The following TENM1 variants were observed in gnomAD, a reference collection of about 807,000 sequenced individuals.
The protein encoded by TENM1 is teneurin transmembrane protein 1, also known as teneurin-1.
A neutral mutation model predicts 174.8 loss-of-function variants in TENM1; 35 were observed. The ratio of observed to expected loss-of-function variants is 0.20; its 90% CI spans 0.15 to 0.27. TENM1 has a LOEUF of 0.27. TENM1 is among the 10% of genes least tolerant of loss of function. The probability of loss-of-function intolerance (pLI) is 1.00; values close to 1 mark genes in which losing one functional copy is unlikely to be tolerated. For synonymous variants in TENM1, 781 were observed against 798.7 expected (o/e 0.98, Z 0.37); for missense variants, 1,633 against 2,130.1 (o/e 0.77, Z 4.59).
chrX:124,413,928 CCA>C (rs2060564918), intron 25 of TENM1, among the ~76,000 whole-genome samples: 1 of 111,802 alleles, frequency 8.9e-6, no homozygotes. Context: ...AATATCTCAC[CCA>C]GAGACATGGC....
exon 6 of TENM1, chrX:124,671,687 T>C (rs2051924676): frequency 8.3e-7 from 1 of 1,206,269 alleles, no homozygotes; most frequent in Non-Finnish European, 1.1e-6. Flanking sequence ...CTGTACCTTT[T>C]TTCTCTGATT....
intron 3 of TENM1, among the ~76,000 whole-genome samples, chrX:124,887,240 A>T (rs2147540659): frequency 9.0e-6 from 1 of 111,407 alleles, no homozygotes; most frequent in Admixed American, 9.6e-5. Context: ...TAAAAAAAAT[A>T]ACACATATAT....
At chrX:124,690,622 GGAA>G (rs1461410419) in intron 5 of TENM1, among the ~76,000 whole-genome samples, 1 of 109,723 alleles carries the variant, frequency 9.1e-6, no homozygotes, top group Non-Finnish European at 1.9e-5. Flanking sequence ...GGGGCCTAAT[GGAA>G]AGTGTTTGAG....
Position 124,472,503 on chromosome X carries a change from G to C in TENM1, c.3949+9229C>G, listed in dbSNP as rs193168576. Among the ~76,000 whole-genome samples, 452 of 107,528 alleles carry C rather than the reference G, an allele frequency of 4.2e-3. 2 individuals are homozygous for C. Among genetic ancestry groups the C allele is most frequent in the African/African-American group, 0.014 (418 of 29,534 alleles). 93.4% of individuals were successfully genotyped at this position (107,528 alleles called of 115,157 possible). A position where few individuals can be genotyped will look rare whatever the true frequency, so the allele number is the denominator to read the frequency against. On this transcript the variant is annotated intron_variant, in intron 22 of 31. Coordinates refer to ENST00000422452, the Ensembl canonical transcript of TENM1. ...TAGTGACATCTATAAACCCTGGGCT[G>C]AAGTGGCCAAAAATGGAATCAATTG...
chrX:124,706,148 C>T (rs1569403580), intron 4 of TENM1, among the ~76,000 whole-genome samples: 1 of 112,109 alleles, frequency 8.9e-6, no homozygotes, highest in Non-Finnish European at 1.9e-5. Flanking sequence ...AGTGGTCCGC[C>T]CGCCTAGCCT....
chrX:124,554,231 C>T (rs1323223684), intron 14 of TENM1, among the ~76,000 whole-genome samples: 2 of 112,446 alleles, frequency 1.8e-5, no homozygotes, highest in Non-Finnish European at 3.8e-5. Context: ...ACTAATATAT[C>T]AAATTGTTAT....
intron 1 of TENM1, among the ~76,000 whole-genome samples, chrX:124,898,471 G>A (rs2057601646): frequency 9.1e-6 from 1 of 110,137 alleles, no homozygotes; most frequent in Non-Finnish European, 1.9e-5. Context: ...ATTTCCCCTG[G>A]ATTCAGGGCA....
At chrX:124,882,628 A>G (rs951060095) in intron 3 of TENM1, among the ~76,000 whole-genome samples, 3 of 112,413 alleles carry the variant, frequency 2.7e-5, no homozygotes, top group Non-Finnish European at 5.6e-5. Context: ...TCATTATATG[A>G]TGACATTTTT....
chrX:124,900,802 T>C (rs770680096), intron 1 of TENM1, among the ~76,000 whole-genome samples: 5 of 108,326 alleles, frequency 4.6e-5, no homozygotes, highest in Non-Finnish European at 9.6e-5. Context: ...TTTTTTTTTT[T>C]TTTCTTGAGA....
At chrX:124,421,138 T>C (rs1051087376) in intron 24 of TENM1, among the ~76,000 whole-genome samples, 5 of 111,818 alleles carry the variant, frequency 4.5e-5, no homozygotes, top group African/African-American at 1.6e-4. Flanking sequence ...CACACAAAAT[T>C]TGGCTGGAAA....
chrX:124,496,909 G>A (rs2047213550), intron 20 of TENM1, 107 bp downstream of exon 23: 1 of 832,652 alleles, frequency 1.2e-6, no homozygotes. Flanking sequence ...TGCTACAATA[G>A]GGGCAACTAC....
rs58275626 is a variant in TENM1, at chrX:124,734,275, C to T, written c.776+2682G>A. On this transcript the variant is annotated intron_variant, in intron 4 of 31. Coordinates refer to ENST00000422452, the Ensembl canonical transcript of TENM1. ...GACCAGTCTAGCCAATATGGTGAAA[C>T]CCTGTCTCTACTAAAAATACAAAAA... Among the ~76,000 whole-genome samples the T allele has an allele frequency of 1.5e-4, 16 of 109,980 alleles. No homozygotes were observed. In the East Asian group the frequency reaches 4.6e-3, roughly 32 times the overall value.
the TENM1 span, among the ~76,000 whole-genome samples, chrX:125,115,813 C>T: frequency 9.0e-6 from 1 of 110,757 alleles, no homozygotes; most frequent in African/African-American, 3.3e-5. Context: ...GCCATACTAC[C>T]CTAAGTAATT....
chrX:124,806,414 A>G (rs1436496875), intron 3 of TENM1, among the ~76,000 whole-genome samples: 3 of 112,148 alleles, frequency 2.7e-5, no homozygotes, highest in Non-Finnish European at 5.6e-5. Flanking sequence ...TGATAGCAGA[A>G]AAACGTCCAA....
At chrX:124,561,581 T>A in intron 14 of TENM1, 90 bp downstream of exon 17, 1 of 1,026,699 alleles carries the variant, frequency 9.7e-7, no homozygotes, top group Non-Finnish European at 1.3e-6. Flanking sequence ...TACTAGAGAT[T>A]CCTAATTTTC....
intron 15 of TENM1, among the ~76,000 whole-genome samples, chrX:124,534,244 C>A (rs184717117): frequency 1.2e-4 from 13 of 111,791 alleles, no homozygotes; most frequent in Non-Finnish European, 1.7e-4. Context: ...TTACTGGGAG[C>A]CTTATTTAAC....
intron 3 of TENM1, among the ~76,000 whole-genome samples, chrX:124,737,484 T>C (rs2053702103): frequency 8.9e-6 from 1 of 112,283 alleles, no homozygotes. Context: ...TCATAGTTTC[T>C]GCTACTGAAC....
At chrX:124,392,001 G>A (rs1260701077) in intron 28 of TENM1, 51 bp downstream of exon 31, 5 of 1,066,914 alleles carry the variant, frequency 4.7e-6, no homozygotes, top group South Asian at 4.4e-5. Context: ...GGCCATTTTC[G>A]ATAGTCTCAT....
chrX:124,383,060 A>T (rs2060178228), intron 30 of TENM1, among the ~76,000 whole-genome samples: 1 of 110,091 alleles, frequency 9.1e-6, no homozygotes, highest in African/African-American at 3.3e-5. Context: ...GGTTCAAGCG[A>T]TTCTCCTGCC....
Sources: allele counts gnomAD v4.1 joint callset (sites outside exome capture counted in the v4.1 genomes callset), GRCh38; gene constraint gnomAD v4.1.1; transcripts MANE v1.5; gene names NCBI Gene and HGNC (gene_info 2026-07-23, HGNC 2026-07-21).